TSC22D2: variants seen among roughly 807,000 people sequenced by gnomAD.
The protein encoded by TSC22D2 is TSC22 domain family member 2, also known as TSC22 domain family protein 2.
A neutral mutation model predicts 50.1 loss-of-function variants in TSC22D2; 5 were observed. The ratio of observed to expected loss-of-function variants is 0.10; its 90% CI spans 0.05 to 0.21. The LOEUF is 0.21. TSC22D2 is among the 10% of genes least tolerant of loss of function. The probability of loss-of-function intolerance (pLI) is 1.00; values close to 1 mark genes in which losing one functional copy is unlikely to be tolerated. For missense variants in TSC22D2, 1,003 were observed against 1,015.5 expected (o/e 0.99, Z 0.17); for synonymous variants, 501 against 450.1 (o/e 1.11, Z -1.43).
chr3:150,425,051 A>T (rs2108073146), intron 1 of TSC22D2, among the ~76,000 whole-genome samples: 1 of 152,322 alleles, frequency 6.6e-6, no homozygotes, highest in Admixed American at 6.5e-5. Flanking sequence ...TTTATTCCAA[A>T]TGGGTTGAAG....
chr3:150,438,806 T>C (rs886600428), intron 1 of TSC22D2, among the ~76,000 whole-genome samples: 3 of 152,174 alleles, frequency 2.0e-5, no homozygotes, highest in Admixed American at 6.5e-5. Flanking sequence ...ATGTTTCCTC[T>C]AAATGTCTAA....
At chr3:150,412,798 G>C (rs1029254296) in intron 1 of TSC22D2, among the ~76,000 whole-genome samples, 2 of 152,140 alleles carry the variant, frequency 1.3e-5, no homozygotes, top group Non-Finnish European at 1.5e-5. Flanking sequence ...GTCACACACA[G>C]GGACACACCT....
At chr3:150,431,224 C>CAAAAAAAAAAAAAAAAAAAAAAAAAAA (rs71138443) in intron 1 of TSC22D2, among the ~76,000 whole-genome samples, 2 of 27,962 alleles carry the variant, frequency 7.2e-5, no homozygotes, top group Admixed American at 5.3e-4. Flanking sequence ...GGCTCTGTCT[C>CAAAAAAAAAAAAAAAAAAAAAAAAAAA]AAAAAAAAAA....
intron 1 of TSC22D2, among the ~76,000 whole-genome samples, chr3:150,422,584 T>A (rs1011024944): frequency 6.6e-6 from 1 of 152,222 alleles, no homozygotes; most frequent in Non-Finnish European, 1.5e-5. Flanking sequence ...TCATTGTTAA[T>A]CAAACCTTTG....
intron 1 of TSC22D2, among the ~76,000 whole-genome samples, chr3:150,437,343 G>A (rs193071814): frequency 7.2e-4 from 109 of 152,166 alleles, no homozygotes; most frequent in African/African-American, 2.6e-3. Flanking sequence ...TTGTTATTCG[G>A]TTACATAAAG....
In TSC22D2 at chr3:150,409,931, T is replaced by G; in HGVS notation, c.581T>G (p.Val194Gly). The change falls in exon 1 of 3, where the codon GTC becomes GGC. Residue 194 changes from valine to glycine, a missense_variant. Coordinates refer to ENST00000688009, the MANE Select transcript of TSC22D2 (RefSeq NM_001303264.2). This position sits in a 1 kb window ranked among gnomAD's most constrained non-coding sequence, Gnocchi z 7.4. ...EYYERDSDSS[V>G]LTRSGDCIRH... is the part of the protein sequence containing the mutation. ...TATGAGAGGGATTCAGACAGCAGCG[T>G]CCTGACTAGATCCGGGGATTGCATT... 1 of 1,613,922 alleles carries G rather than the reference T, an allele frequency of 6.2e-7. No individual in the cohort carries two copies. The highest frequency in any genetic ancestry group is 8.5e-7 in the Non-Finnish European group (1 of 1,180,018).
intron 1 of TSC22D2, among the ~76,000 whole-genome samples, chr3:150,423,836 T>C (rs767335769): frequency 6.6e-6 from 1 of 152,220 alleles, no homozygotes; most frequent in Non-Finnish European, 1.5e-5. Flanking sequence ...CATCACTTTG[T>C]GTTTAATTAA....
chr3:150,432,759 GTA>G (rs1465603910), intron 1 of TSC22D2, among the ~76,000 whole-genome samples: 1 of 152,116 alleles, frequency 6.6e-6, no homozygotes, highest in Admixed American at 6.6e-5. Context: ...CTCTTCAGTT[GTA>G]TTTAAATCCG....
intron 1 of TSC22D2, among the ~76,000 whole-genome samples, chr3:150,433,644 CTG>C (rs1174520621): frequency 1.3e-5 from 2 of 152,244 alleles, no homozygotes; most frequent in Admixed American, 1.3e-4. Context: ...TTTGCAGTAG[CTG>C]TTTTTATTTT....
At chr3:150,412,352 T>A (rs1158283415) in intron 1 of TSC22D2, among the ~76,000 whole-genome samples, 1 of 152,176 alleles carries the variant, frequency 6.6e-6, no homozygotes, top group Admixed American at 6.5e-5. Flanking sequence ...AGCGAGAGGC[T>A]AATTTTAGGT....
chr3:150,454,975 A>T (rs1721142423), intron 1 of TSC22D2, among the ~76,000 whole-genome samples: 1 of 152,124 alleles, frequency 6.6e-6, no homozygotes, highest in South Asian at 2.1e-4. Flanking sequence ...ATCAAAAAAA[A>T]ACCCCAGTAA....
chr3:150,443,188 CTT>C (rs1290266762), intron 1 of TSC22D2, among the ~76,000 whole-genome samples: 1 of 152,154 alleles, frequency 6.6e-6, no homozygotes, highest in African/African-American at 2.4e-5. Context: ...ATCCTGGTCT[CTT>C]TTTGTATTTA....
intron 1 of TSC22D2, among the ~76,000 whole-genome samples, chr3:150,447,335 T>A (rs1336946302): frequency 6.6e-6 from 1 of 152,210 alleles, no homozygotes; most frequent in Non-Finnish European, 1.5e-5. Context: ...GCCCCACTTG[T>A]CTTTTCATTG....
intron 1 of TSC22D2, among the ~76,000 whole-genome samples, chr3:150,411,658 A>T (rs1192126662): frequency 6.6e-6 from 1 of 152,218 alleles, no homozygotes; most frequent in Non-Finnish European, 1.5e-5. Context: ...TTGAACACGT[A>T]AGGCAGAGAG....
chr3:150,409,431 C>G lies in TSC22D2; in HGVS notation c.81C>G (p.Thr27=), dbSNP rs1251886834. Residue 27 remains threonine, a synonymous_variant, in exon 1 of 3, where the codon ACC becomes ACG. Coordinates refer to ENST00000688009, the MANE Select transcript of TSC22D2 (RefSeq NM_001303264.2). This position sits in a 1 kb window ranked among gnomAD's most constrained non-coding sequence, Gnocchi z 7.4. ...VTTAQVATSI[T]EDTESLDDPD... Reference sequence around the variant, plus strand: ...CGGCCCAGGTGGCCACTAGCATCACCGAGGACACCGAGAGCTTGGACGACC... The same window carrying G: ...CGGCCCAGGTGGCCACTAGCATCACGGAGGACACCGAGAGCTTGGACGACC... 1.2e-6 allele frequency: 2 copies of G among 1,613,442 alleles called. No individual in the cohort carries two copies. The highest frequency in any genetic ancestry group is 2.7e-5 in the African/African-American group (2 of 74,914).
At chr3:150,421,862 A>G (rs1036443473) in intron 1 of TSC22D2, among the ~76,000 whole-genome samples, 7 of 152,210 alleles carry the variant, frequency 4.6e-5, no homozygotes, top group African/African-American at 1.7e-4. Context: ...CTAGGTAGTA[A>G]TGTAACCAGT....
chr3:150,418,269 C>T (rs1215376012), intron 1 of TSC22D2, among the ~76,000 whole-genome samples: 1 of 151,688 alleles, frequency 6.6e-6, no homozygotes, highest in African/African-American at 2.4e-5. Context: ...TTTTCATCAT[C>T]ATGAAAATGA....
At chr3:150,421,341 A>C (rs996240251) in intron 1 of TSC22D2, among the ~76,000 whole-genome samples, 10 of 152,256 alleles carry the variant, frequency 6.6e-5, no homozygotes, top group East Asian at 1.9e-4. Flanking sequence ...CAAAAACAAC[A>C]ACCAAAAAAA....
At chr3:150,416,742 C>T (rs1719819362) in intron 1 of TSC22D2, among the ~76,000 whole-genome samples, 1 of 152,024 alleles carries the variant, frequency 6.6e-6, no homozygotes, top group African/African-American at 2.4e-5. Context: ...AGGAAGTATA[C>T]TTTGAGGTAT....
Sources: allele counts gnomAD v4.1 joint callset (sites outside exome capture counted in the v4.1 genomes callset), GRCh38; gene constraint gnomAD v4.1.1; non-coding constraint Gnocchi (gnomAD v3.1); transcripts MANE v1.5; gene names NCBI Gene and HGNC (gene_info 2026-07-23, HGNC 2026-07-21).